The following ABCB1 variants were observed in gnomAD, a reference collection of about 807,000 sequenced individuals.
The protein encoded by ABCB1 is ATP-dependent translocase ABCB1.
Under a neutral mutation model 142.0 loss-of-function variants are expected in ABCB1, and 69 were observed. The observed-to-expected ratio is 0.49, with a 90% CI of 0.40 to 0.59. ABCB1 has a LOEUF of 0.59. Ranked by LOEUF, ABCB1 falls within the 20% of genes least tolerant of loss-of-function variation. The pLI is 0.00. For missense variants in ABCB1, 1,326 were observed against 1,554.7 expected (o/e 0.85, Z 2.47); for synonymous variants, 532 against 539.2 (o/e 0.99, Z 0.18).
intron 1 of ABCB1, among the ~76,000 whole-genome samples, chr7:87,649,026 G>C (rs1389736725): frequency 6.6e-6 from 1 of 151,770 alleles, no homozygotes. Flanking sequence ...AAAAAAGCTT[G>C]TACTCTTTTA....
chr7:87,698,894 T>C (rs1024206691), intron 1 of ABCB1, among the ~76,000 whole-genome samples: 5 of 152,198 alleles, frequency 3.3e-5, no homozygotes, highest in African/African-American at 1.2e-4. Flanking sequence ...GAATAATGAA[T>C]AGAAGTTACC....
intron 1 of ABCB1, among the ~76,000 whole-genome samples, chr7:87,703,382 A>G (rs751094680): frequency 2.0e-5 from 3 of 152,206 alleles, no homozygotes; most frequent in Non-Finnish European, 4.4e-5. Flanking sequence ...ATGTAGTGAC[A>G]TAATTAGAAA....
At chr7:87,532,584 A>C (rs1816101801) in intron 20 of ABCB1, among the ~76,000 whole-genome samples, 1 of 152,100 alleles carries the variant, frequency 6.6e-6, no homozygotes, top group Non-Finnish European at 1.5e-5. Flanking sequence ...ACGTTACCCT[A>C]TATGGTCTAA....
intron 1 of ABCB1, among the ~76,000 whole-genome samples, chr7:87,660,511 TTTTTA>T (rs1824585427): frequency 6.6e-6 from 1 of 152,096 alleles, no homozygotes; most frequent in Non-Finnish European, 1.5e-5. Flanking sequence ...TAGTTCTTTG[TTTTTA>T]TTTTATGATC....
At chr7:87,558,773 T>C (rs1817422873) in intron 8 of ABCB1, among the ~76,000 whole-genome samples, 1 of 152,054 alleles carries the variant, frequency 6.6e-6, no homozygotes, top group African/African-American at 2.4e-5. Context: ...ATTCCTAGTT[T>C]TACGAGTTTT....
intron 5 of ABCB1, among the ~76,000 whole-genome samples, chr7:87,569,607 A>G (rs569342420): frequency 6.6e-6 from 1 of 152,102 alleles, no homozygotes; most frequent in Admixed American, 6.5e-5. Context: ...GGCTGCTTTC[A>G]TTGTCATGTC....
intron 21 of ABCB1, among the ~76,000 whole-genome samples, chr7:87,522,808 TA>T (rs1815577797): frequency 2.0e-5 from 3 of 152,278 alleles, no homozygotes; most frequent in Admixed American, 2.0e-4. Context: ...CCTAAGTGCA[TA>T]AATATATTTA....
At chr7:87,674,706 T>C (rs1826148620) in intron 1 of ABCB1, among the ~76,000 whole-genome samples, 1 of 152,046 alleles carries the variant, frequency 6.6e-6, no homozygotes. Context: ...AAAGGAGGCA[T>C]GATAGGGCCC....
chr7:87,547,131 T>C (rs1816816737), intron 14 of ABCB1, among the ~76,000 whole-genome samples: 1 of 152,214 alleles, frequency 6.6e-6, no homozygotes, highest in African/African-American at 2.4e-5. Flanking sequence ...TTTTTGTTAC[T>C]CTATATGTCT....
At chr7:87,505,243 G>A (rs539476921) in intron 27 of ABCB1, among the ~76,000 whole-genome samples, 53 of 152,248 alleles carry the variant, frequency 3.5e-4, no homozygotes, top group Non-Finnish European at 6.0e-4. Flanking sequence ...GGGGTTACAG[G>A]TGTGAGCCAC....
chr7:87,510,999 G>T (rs1294898321), intron 25 of ABCB1, among the ~76,000 whole-genome samples: 1 of 152,086 alleles, frequency 6.6e-6, no homozygotes, highest in African/African-American at 2.4e-5. Context: ...AATTTTCCAG[G>T]TTTATACCCC....
Position 87,544,279 on chromosome 7 carries a change from G to A in ABCB1, c.2065-4C>T. The A allele has an allele frequency of 6.2e-7, 1 of 1,612,322 alleles. No individual in the cohort carries two copies. The highest frequency in any genetic ancestry group is 8.5e-7 in the Non-Finnish European group (1 of 1,179,716). ...AAACTGGAGGTATACTTTCATCCTAGAAAACACAAATTATTACAACAGGCT... is the reference window on the plus strand; with the variant it reads ...AAACTGGAGGTATACTTTCATCCTAAAAAACACAAATTATTACAACAGGCT... On this transcript the variant is annotated splice_polypyrimidine_tract_variant and splice_region_variant and intron_variant, in intron 16 of 27. Transcript: ENST00000622132.
chr7:87,679,883 A>G (rs1826753782), intron 1 of ABCB1, among the ~76,000 whole-genome samples: 1 of 150,724 alleles, frequency 6.6e-6, no homozygotes, highest in Non-Finnish European at 1.5e-5. Flanking sequence ...AGAACAGAAG[A>G]TATCTGAAAA....
In ABCB1 at chr7:87,561,313, T is replaced by C. The variant is rs1428700569; in HGVS notation, c.777A>G (p.Ala259=). 1 of 1,614,090 alleles carries C rather than the reference T, an allele frequency of 6.2e-7. No homozygotes were observed. Residue 259 remains alanine, a synonymous_variant, in exon 8 of 28, where the codon GCA becomes GCG. Coordinates refer to ENST00000622132, the MANE Select transcript of ABCB1 (RefSeq NM_001348946.2). ...KAGAVAEEVL[A]AIRTVIAFGG... Reference sequence around the variant, plus strand: ...CAAATGCAATCACAGTTCTAATTGCTGCCAAGACCTCTTCAGCTACTGCTC... The same window carrying C: ...CAAATGCAATCACAGTTCTAATTGCCGCCAAGACCTCTTCAGCTACTGCTC...
At chr7:87,640,989 T>C (rs937507987) in intron 1 of ABCB1, among the ~76,000 whole-genome samples, 1 of 152,176 alleles carries the variant, frequency 6.6e-6, no homozygotes, top group African/African-American at 2.4e-5. Context: ...TTCTTATTAA[T>C]TTAGAATTTT....
chr7:87,709,503 G>A (rs1829883513), intron 1 of ABCB1: 6 of 985,412 alleles, frequency 6.1e-6, no homozygotes, highest in Non-Finnish European at 7.2e-6. Context: ...GGGATGTTGA[G>A]CTTGGTAGGT....
rs1189318556 is a variant in ABCB1, at chr7:87,503,413, T to C, written c.*830A>G. 6.6e-6 allele frequency among the ~76,000 whole-genome samples: 1 copy of C among 152,234 alleles called. No homozygotes were observed. The highest frequency in any genetic ancestry group is 1.5e-5 in the Non-Finnish European group (1 of 68,030). On this transcript the variant is annotated 3_prime_UTR_variant, in exon 28 of 28. Coordinates refer to ENST00000622132, the MANE Select transcript of ABCB1 (RefSeq NM_001348946.2). Reference sequence around the variant, plus strand: ...ATCTGTAAGTCAGAAGGATCACTTTTGGAAGAGGCCAATTACTGGCAAAAG... The same window carrying C: ...ATCTGTAAGTCAGAAGGATCACTTTCGGAAGAGGCCAATTACTGGCAAAAG...
intron 21 of ABCB1, among the ~76,000 whole-genome samples, chr7:87,528,436 G>C (rs1220490650): frequency 6.6e-6 from 1 of 151,506 alleles, no homozygotes; most frequent in Non-Finnish European, 1.5e-5. Flanking sequence ...ATATTTCTAG[G>C]CTACATGGCT....
chr7:87,651,019 G>A (rs887595336), intron 1 of ABCB1: 2 of 777,756 alleles, frequency 2.6e-6, no homozygotes, highest in Non-Finnish European at 4.3e-6. Flanking sequence ...TACAGTCTGT[G>A]TGACTTAGAT....
Sources: gnomAD v4.1 joint callset for allele counts (sites outside exome capture counted in the v4.1 genomes callset) on GRCh38, gnomAD v4.1.1 for gene constraint, MANE v1.5 for transcripts, NCBI Gene and HGNC (gene_info 2026-07-23, HGNC 2026-07-21) for gene names.